Variants in PLXND1 observed in about 807,000 individuals in gnomAD.
The protein encoded by PLXND1 is plexin D1, also known as plexin-D1.
PLXND1 carries 54 observed loss-of-function variants against 197.7 expected under a neutral mutation model. The observed-to-expected ratio is 0.27, with a 90% CI of 0.22 to 0.34. The LOEUF is 0.34. PLXND1 is among the 10% of genes least tolerant of loss of function. The pLI, the probability that PLXND1 is intolerant of heterozygous loss-of-function variation, is 1.00. For synonymous variants in PLXND1, 1,180 were observed against 1,161.2 expected (o/e 1.02, Z -0.33); for missense variants, 2,127 against 2,699.2 (o/e 0.79, Z 4.70).
chr3:129,592,121 G>A (rs2085552078), intron 1 of PLXND1, among the ~76,000 whole-genome samples: 2 of 152,016 alleles, frequency 1.3e-5, no homozygotes, highest in South Asian at 2.1e-4. Flanking sequence ...CCCGAGAGCT[G>A]CATCATTGGC....
In PLXND1 at chr3:129,561,698, A is replaced by G; in HGVS notation, c.4941T>C (p.Gly1647=). Residue 1647 remains glycine, a synonymous_variant, in exon 29 of 36, where the codon GGT becomes GGC. Transcript: ENST00000324093. The part of the protein sequence containing the change: ...NTLAHYKIPE[G]ASLAMSLIDK... ...CTATGAGACTCATGGCCAGGGAGGC[A>G]CCTTCAGGGATCTGATGGGAGGGGA... is the stretch of plus-strand genomic sequence containing the variant. 1 of 1,582,148 alleles carries G rather than the reference A, an allele frequency of 6.3e-7. No homozygotes were observed. The highest frequency in any genetic ancestry group is 1.1e-5 in the South Asian group (1 of 88,810).
At chr3:129,597,356 A>G (rs920547889) in intron 1 of PLXND1, among the ~76,000 whole-genome samples, 1 of 152,198 alleles carries the variant, frequency 6.6e-6, no homozygotes, top group Admixed American at 6.5e-5. Context: ...CATCAAGGTG[A>G]TGGCTGCTTC....
intron 15 of PLXND1, among the ~76,000 whole-genome samples, chr3:129,572,111 A>C (rs752140497): frequency 1.6e-4 from 25 of 152,216 alleles, no homozygotes; most frequent in Admixed American, 4.6e-4. Flanking sequence ...AGATCCCTGA[A>C]GGCACTGACT....
Position 129,583,552 on chromosome 3 carries a change from C to T in PLXND1, c.2241+15G>A. ...TGAAACAGCAGAGGCGGAGGGGCCC[C>T]CTAGCCTGGCTTACCGTGGGGTTTG... is the stretch of plus-strand genomic sequence containing the variant. On this transcript the variant is annotated intron_variant, in intron 8 of 35. Transcript: ENST00000324093. 1 of 1,588,174 alleles carries T rather than the reference C, an allele frequency of 6.3e-7. No homozygotes were observed. Among genetic ancestry groups the T allele is most frequent in the Non-Finnish European group, 8.6e-7 (1 of 1,158,750 alleles).
In PLXND1 at chr3:129,557,466, G is replaced by A. The variant is rs2084991503; in HGVS notation, c.5446-243C>T. Among the ~76,000 whole-genome samples the A allele has an allele frequency of 7.2e-6, 1 of 139,326 alleles. No homozygotes were observed. Among genetic ancestry groups the A allele is most frequent in the Non-Finnish European group, 1.5e-5 (1 of 67,784 alleles). The allele number at this position is 139,326 out of a possible 152,430, so 91.4% of individuals were successfully genotyped here. Reference sequence around the variant, plus strand: ...GACTGTTAGGACAATGATGTGGGTGGGGAGGGGCCCTACTTCTTTCAGGGG... The same window carrying A: ...GACTGTTAGGACAATGATGTGGGTGAGGAGGGGCCCTACTTCTTTCAGGGG... On this transcript the variant is annotated intron_variant, in intron 33 of 35. Coordinates refer to ENST00000324093, the MANE Select transcript of PLXND1 (RefSeq NM_015103.3). The surrounding 1 kb of genome is among the most constrained non-coding windows in gnomAD (Gnocchi z 4.8).
chr3:129,601,939 G>A (rs1269784787), intron 1 of PLXND1, among the ~76,000 whole-genome samples: 2 of 152,202 alleles, frequency 1.3e-5, no homozygotes, highest in East Asian at 3.9e-4. Context: ...CACACAGTAA[G>A]TGCTCAAGAT....
Position 129,558,683 on chromosome 3 carries a change from G to A in PLXND1, c.5298-108C>T, listed in dbSNP as rs1018611702. The A allele has an allele frequency of 3.6e-6, 4 of 1,112,466 alleles. No individual in the cohort carries two copies. The highest frequency in any genetic ancestry group is 3.9e-6 in the Non-Finnish European group (3 of 767,056). The allele number at this position is 1,112,466 out of a possible 1,614,324, so 68.9% of individuals were successfully genotyped here. A position where few individuals can be genotyped will look rare whatever the true frequency, so the allele number is the denominator to read the frequency against. ...TTTGTCCCTCAAGGGCCTGAGGTTG[G>A]AGCCTTGTCACAAGATGTGACCTTT... On this transcript the variant is annotated intron_variant, in intron 32 of 35. Transcript: ENST00000324093. This position sits in a 1 kb window ranked among gnomAD's most constrained non-coding sequence, Gnocchi z 4.1.
At chr3:129,578,577 C>T in intron 8 of PLXND1, 144 bp from the exon 9 acceptor site, 1 of 599,852 alleles carries the variant, frequency 1.7e-6, no homozygotes, top group Non-Finnish European at 3.0e-6. Context: ...GCCACCAGCC[C>T]CACCCCGTGC....
chr3:129,599,234 T>C (rs947032789), intron 1 of PLXND1, among the ~76,000 whole-genome samples: 6 of 152,174 alleles, frequency 3.9e-5, no homozygotes, highest in Non-Finnish European at 4.4e-5. Flanking sequence ...GGCGGGTGAA[T>C]CGGACTTTGC....
In PLXND1 at chr3:129,557,720, T is replaced by C. The variant is rs1364314302; in HGVS notation, c.5446-497A>G. On this transcript the variant is annotated intron_variant, in intron 33 of 35. Coordinates refer to ENST00000324093, the MANE Select transcript of PLXND1 (RefSeq NM_015103.3). This position sits in a 1 kb window ranked among gnomAD's most constrained non-coding sequence, Gnocchi z 4.8. ...CCTGCCTTCGGAGGCAGTACGTGAG[T>C]AGTAGTGGAGCGATGGCATTTTCTC... is the stretch of plus-strand genomic sequence containing the variant. Among the ~76,000 whole-genome samples, 1 of 152,010 alleles carries C rather than the reference T, an allele frequency of 6.6e-6. No homozygotes were observed. The highest frequency in any genetic ancestry group is 1.5e-5 in the Non-Finnish European group (1 of 67,994).
chr3:129,584,604 C>T (rs760719480), intron 5 of PLXND1, 42 bp from the exon 6 acceptor site: 2 of 1,549,582 alleles, frequency 1.3e-6, no homozygotes, highest in Admixed American at 3.6e-5. Flanking sequence ...CCAGGCTATG[C>T]TCCTCACAGC....
At chr3:129,556,562 T>C (rs2084976643) in intron 35 of PLXND1, 55 bp downstream of exon 35, 2 of 1,406,170 alleles carry the variant, frequency 1.4e-6, no homozygotes, top group Non-Finnish European at 2.0e-6. Flanking sequence ...ATGTGTGTCC[T>C]TGAGTAGGAA....
intron 20 of PLXND1, among the ~76,000 whole-genome samples, chr3:129,568,427 TCA>T (rs994007732): frequency 2.2e-4 from 33 of 152,332 alleles, no homozygotes; most frequent in African/African-American, 7.2e-4. Flanking sequence ...TTATCATCTT[TCA>T]GTTTTTCCAA....
chr3:129,572,007 C>A, intron 15 of PLXND1, 163 bp from the exon 16 acceptor site: 1 of 673,908 alleles, frequency 1.5e-6, no homozygotes, highest in Non-Finnish European at 2.5e-6. Flanking sequence ...CAGCTGTTTC[C>A]TTACACTTCC....
chr3:129,599,390 C>T (rs1008208896), intron 1 of PLXND1, among the ~76,000 whole-genome samples: 13 of 152,216 alleles, frequency 8.5e-5, no homozygotes, highest in Non-Finnish European at 1.0e-4. Context: ...TAGGAAGGGG[C>T]AGAGGCAGGA....
chr3:129,561,596 C>T (rs1367095022), intron 29 of PLXND1, 50 bp downstream of exon 29: 2 of 1,380,386 alleles, frequency 1.4e-6, no homozygotes, highest in Non-Finnish European at 1.0e-6. Flanking sequence ...GGGATGGAAG[C>T]CCCTGTCCAC....
rs1418027497 is a variant in PLXND1 at position 129,558,808 on chromosome 3, AC to A, written c.5298-234del. 20 of 470,324 alleles carry A rather than the reference AC, an allele frequency of 4.3e-5. No homozygotes were observed. Among genetic ancestry groups the A allele is most frequent in the Non-Finnish European group, 6.9e-5 (18 of 259,966 alleles). The allele number at this position is 470,324 out of a possible 1,614,324, so 29.1% of individuals were successfully genotyped here. On this transcript the variant is annotated intron_variant, in intron 32 of 35. Transcript: ENST00000324093. This position sits in a 1 kb window ranked among gnomAD's most constrained non-coding sequence, Gnocchi z 4.1. Reference sequence around the variant, plus strand: ...GGCAGGAGCTACAGGGCTTAGCTGTACCCCCCAACCCCCTCCTGAGCCTCCA... The same window carrying A: ...GGCAGGAGCTACAGGGCTTAGCTGTACCCCCAACCCCCTCCTGAGCCTCCA...
At chr3:129,556,534 A>G in intron 35 of PLXND1, 83 bp downstream of exon 35, 2 of 1,329,242 alleles carry the variant, frequency 1.5e-6, no homozygotes, top group Non-Finnish European at 2.2e-6. Flanking sequence ...TCCGTCCATT[A>G]GGGGCAAGCA....
In PLXND1 at chr3:129,571,441, T is replaced by G. The variant is rs986230581; in HGVS notation, c.3336+68A>C. ...GACAGAGATGCAGTGGGAGGAGGCC[T>G]GGTCAGTTAGGGCCCTGGCTGTGCC... On this transcript the variant is annotated intron_variant, in intron 17 of 35. Coordinates refer to ENST00000324093, the MANE Select transcript of PLXND1 (RefSeq NM_015103.3). 14 of 1,537,476 alleles carry G rather than the reference T, an allele frequency of 9.1e-6. No homozygotes were observed. In the Admixed American group the frequency reaches 2.4e-4, roughly 26 times the overall value.
Sources: gnomAD v4.1 joint callset for allele counts (sites outside exome capture counted in the v4.1 genomes callset) on GRCh38, gnomAD v4.1.1 for gene constraint, Gnocchi (gnomAD v3.1) non-coding constraint, MANE v1.5 for transcripts, NCBI Gene and HGNC (gene_info 2026-07-23, HGNC 2026-07-21) for gene names.